Variants in DNPEP observed in about 807,000 individuals in gnomAD.
DNPEP encodes aspartyl aminopeptidase.
In DNPEP, 46 loss-of-function variants were observed where a neutral mutation model predicts 59.1. That is an observed-to-expected ratio of 0.78 (90% CI 0.61 to 0.99). The LOEUF is 0.99. Ranked by LOEUF, DNPEP falls within the 50% of genes least tolerant of loss-of-function variation. The pLI is 0.00. For missense variants in DNPEP, 617 were observed against 649.9 expected (o/e 0.95, Z 0.55); for synonymous variants, 229 against 242.2 (o/e 0.95, Z 0.50).
At chr2:219,387,924 C>G, upstream of DNPEP, 3 of 1,370,512 alleles carry the variant, frequency 2.2e-6, no homozygotes, top group Non-Finnish European at 1.9e-6. Flanking sequence ...CCGGCCGCGC[C>G]GCCCCGCCCC....
intron 13 of DNPEP, among the ~76,000 whole-genome samples, chr2:219,380,202 C>T (rs796072449): frequency 2.1e-4 from 27 of 129,180 alleles, no homozygotes; most frequent in African/African-American, 2.9e-4. Flanking sequence ...TTTTTCTTTT[C>T]TTTTTTTTTT....
upstream of DNPEP, chr2:219,389,177 C>T (rs1373725482): frequency 6.6e-6 from 1 of 152,192 alleles, no homozygotes; most frequent in African/African-American, 2.4e-5. Flanking sequence ...TTAAAAACAA[C>T]AGAAAAACAA....
intron 14 of DNPEP, 118 bp from the exon 15 acceptor site, chr2:219,374,460 C>A: frequency 1.1e-6 from 1 of 914,574 alleles, no homozygotes; most frequent in South Asian, 1.5e-5. Flanking sequence ...TTCATCTGTT[C>A]TTGACAGCCA....
In DNPEP at chr2:219,387,786, T is replaced by A; in HGVS notation, c.9A>T (p.Gly3=). MS[G]HSPTRGAMQV... The stretch of plus-strand genomic sequence containing the variant: ...GCATGGCCCCGCGCGTGGGGCTGTG[T>A]CCGCTCATCTGGCCTCCGGGCTCGG... The change falls in exon 1 of 15, where the codon GGA becomes GGT. Residue 3 remains glycine (G), a synonymous_variant. Transcript: ENST00000273075. 1 of 1,598,630 alleles carries A rather than the reference T, an allele frequency of 6.3e-7. No individual in the cohort carries two copies. Among genetic ancestry groups the A allele is most frequent in the Non-Finnish European group, 8.5e-7 (1 of 1,173,670 alleles).
At chr2:219,384,552 G>A in intron 8 of DNPEP, 109 bp from the exon 9 acceptor site, 1 of 805,416 alleles carries the variant, frequency 1.2e-6, no homozygotes, top group South Asian at 1.7e-5. Flanking sequence ...CCTGACCCCT[G>A]GCTTAGGGCA....
chr2:219,376,276 C>T (rs62193997), intron 13 of DNPEP, among the ~76,000 whole-genome samples: 17,728 of 151,974 alleles, frequency 0.12, 1,078 homozygotes, highest in East Asian at 0.19. Flanking sequence ...TCACATGATT[C>T]CAGGAGTTCA....
intron 4 of DNPEP, 27 bp from the exon 5 acceptor site, chr2:219,386,438 G>A: frequency 6.2e-7 from 1 of 1,614,014 alleles, no homozygotes; most frequent in Non-Finnish European, 8.5e-7. Context: ...AGAAGTCAGA[G>A]AAGGCTTCAT....
chr2:219,389,230 A>G (rs16859865), upstream of DNPEP, among the ~76,000 whole-genome samples: 14,968 of 152,142 alleles, frequency 0.098, 1,950 homozygotes, highest in African/African-American at 0.3. Context: ...TGTCAGGAGT[A>G]GTGAGTAGCA....
At chr2:219,388,168 C>G (rs575744538), upstream of DNPEP, among the ~76,000 whole-genome samples, 2 of 144,956 alleles carry the variant, frequency 1.4e-5, no homozygotes, top group Non-Finnish European at 3.1e-5. Context: ...CCGCCCGCCC[C>G]GCCCCTCGTC....
chr2:219,387,535 C>CTGTA (rs1953901606), intron 1 of DNPEP: 1 of 1,450,044 alleles, frequency 6.9e-7, no homozygotes, highest in African/African-American at 1.5e-5. Context: ...AGCCAAAGCC[C>CTGTA]TGTACCCCAA....
intron 10 of DNPEP, 39 bp downstream of exon 10, chr2:219,383,092 A>ACTCCGCAGAGGTGACC: frequency 6.3e-7 from 1 of 1,581,380 alleles, no homozygotes; most frequent in East Asian, 2.2e-5. Context: ...GCTGTGGAAG[A>ACTCCGCAGAGGTGACC]CTCCGCAGAG....
intron 1 of DNPEP, among the ~76,000 whole-genome samples, chr2:219,395,652 C>T (rs1484054436): frequency 6.6e-6 from 1 of 152,236 alleles, no homozygotes; most frequent in African/African-American, 2.4e-5. Flanking sequence ...TAACTCTTGG[C>T]GTTAGCCTTG....
chr2:219,378,760 T>C (rs1255712710), intron 13 of DNPEP, among the ~76,000 whole-genome samples: 1 of 152,182 alleles, frequency 6.6e-6, no homozygotes, highest in African/African-American at 2.4e-5. Context: ...TGTTGTGGCA[T>C]AATGCATGAC....
upstream of DNPEP, among the ~76,000 whole-genome samples, chr2:219,392,730 G>A (rs6752485): frequency 0.088 from 13,406 of 152,118 alleles, 1,561 homozygotes; most frequent in African/African-American, 0.27. Flanking sequence ...GGCTGGTCTT[G>A]AACTCCTGAC....
intron 1 of DNPEP, among the ~76,000 whole-genome samples, chr2:219,395,614 G>A (rs1431036370): frequency 6.6e-6 from 1 of 152,226 alleles, no homozygotes; most frequent in Non-Finnish European, 1.5e-5. Context: ...TCAGTAAATG[G>A]CAACTTTGTC....
intron 1 of DNPEP, among the ~76,000 whole-genome samples, chr2:219,398,376 G>A (rs1435714077): frequency 6.6e-6 from 1 of 152,210 alleles, no homozygotes; most frequent in African/African-American, 2.4e-5. Flanking sequence ...GGGGCCGGGC[G>A]CGTTGGCTCA....
At position 219,383,233 on chromosome 2, in the gene DNPEP, T is replaced by G. The variant is rs1281399572; in HGVS notation, c.853-19A>C. The G allele has an allele frequency of 9.9e-6, 16 of 1,611,760 alleles. No homozygotes were observed. The highest frequency in any genetic ancestry group is 1.4e-5 in the Non-Finnish European group (16 of 1,178,120). On this transcript the variant is annotated intron_variant, in intron 9 of 14. Transcript: ENST00000273075. ...TCAAGGCCTGGTTCAGGGAAGGAAA[T>G]GAGAGCATCATCTCCAACCTGCTTC...
At chr2:219,396,423 A>G (rs533383390) in intron 1 of DNPEP, among the ~76,000 whole-genome samples, 263 of 152,186 alleles carry the variant, frequency 1.7e-3, no homozygotes, top group African/African-American at 6.1e-3. Context: ...CCCCATCTCT[A>G]CTAAAAATAC....
chr2:219,397,219 A>G (rs1201969630), intron 1 of DNPEP, among the ~76,000 whole-genome samples: 1 of 40,948 alleles, frequency 2.4e-5, no homozygotes, highest in Admixed American at 2.1e-4. Flanking sequence ...CTCCCCTCCC[A>G]CCCCCGTCTC....
Sources: allele counts gnomAD v4.1 joint callset (sites outside exome capture counted in the v4.1 genomes callset), GRCh38; gene constraint gnomAD v4.1.1; transcripts MANE v1.5; gene names NCBI Gene and HGNC (gene_info 2026-07-23, HGNC 2026-07-21).